The following PDE4D variants were observed in gnomAD, a reference collection of about 807,000 sequenced individuals.
PDE4D encodes 3',5'-cyclic-AMP phosphodiesterase 4D.
A neutral mutation model predicts 87.4 loss-of-function variants in PDE4D; 24 were observed. The ratio of observed to expected loss-of-function variants is 0.27; its 90% CI spans 0.20 to 0.39. PDE4D has a LOEUF of 0.39. Ranked by LOEUF, PDE4D falls within the 10% of genes least tolerant of loss-of-function variation. The pLI is 1.00. For missense variants in PDE4D, 714 were observed against 1,041.0 expected (o/e 0.69, Z 4.32); for synonymous variants, 384 against 383.2 (o/e 1.00, Z -0.02).
At chr5:59,304,150 T>C (rs933530264) in intron 1 of PDE4D, among the ~76,000 whole-genome samples, 4 of 152,064 alleles carry the variant, frequency 2.6e-5, no homozygotes, top group Non-Finnish European at 5.9e-5. Flanking sequence ...TTATTTTTTT[T>C]ACAGCTATTG....
intron 1 of PDE4D, among the ~76,000 whole-genome samples, chr5:59,616,493 A>G (rs796115101): frequency 1.3e-5 from 2 of 152,228 alleles, no homozygotes; most frequent in African/African-American, 4.8e-5. Flanking sequence ...GATAAATATA[A>G]TGTAGCAGTG....
At chr5:60,485,719 T>G (rs74743436) in intron 1 of PDE4D, among the ~76,000 whole-genome samples, 1 of 152,192 alleles carries the variant, frequency 6.6e-6, no homozygotes, top group Non-Finnish European at 1.5e-5. Context: ...AGATTTTTTT[T>G]GCTTTCCCCA....
chr5:59,207,467 C>T (rs1197629975), intron 2 of PDE4D, among the ~76,000 whole-genome samples: 1 of 151,978 alleles, frequency 6.6e-6, no homozygotes, highest in Non-Finnish European at 1.5e-5. Flanking sequence ...GAGCACTATC[C>T]AGGTTACTGG....
intron 2 of PDE4D, among the ~76,000 whole-genome samples, chr5:60,148,847 C>G (rs778928102): frequency 6.7e-6 from 1 of 150,258 alleles, no homozygotes; most frequent in Non-Finnish European, 1.5e-5. Context: ...ATTTTCTAAG[C>G]CAGACTTGCA....
intron 1 of PDE4D, among the ~76,000 whole-genome samples, chr5:59,418,199 T>A (rs1409391263): frequency 6.6e-6 from 1 of 152,168 alleles, no homozygotes; most frequent in Non-Finnish European, 1.5e-5. Flanking sequence ...CTCCCTCTCT[T>A]CAAAATCTTT....
chr5:59,469,918 GA>G (rs1802188972), intron 1 of PDE4D, among the ~76,000 whole-genome samples: 1 of 152,108 alleles, frequency 6.6e-6, no homozygotes, highest in Non-Finnish European at 1.5e-5. Context: ...TCAAAACCAA[GA>G]AGCACAAAAA....
intron 1 of PDE4D, among the ~76,000 whole-genome samples, chr5:59,689,419 T>G (rs1398832317): frequency 1.3e-5 from 2 of 152,082 alleles, no homozygotes; most frequent in Non-Finnish European, 2.9e-5. Context: ...GTTCAACATA[T>G]GCAAATCAAT....
Position 58,974,925 on chromosome 5 carries a change from T to C in PDE4D, c.2169A>G (p.Pro723=), listed in dbSNP as rs1295400835. The part of the protein sequence containing the change: ...PQSPSPAPDD[P]EEGRQGQTEK... ...CAGTTTGACCCTGCCGGCCCTCCTC[T>C]GGGTCATCAGGTGCAGGAGAGGGGC... Residue 723 remains proline, a synonymous_variant, in exon 15 of 15, where the codon CCA becomes CCG. Transcript: ENST00000340635. The C allele has an allele frequency of 2.5e-6, 4 of 1,613,306 alleles. No homozygotes were observed. Among genetic ancestry groups the C allele is most frequent in the Non-Finnish European group, 3.4e-6 (4 of 1,179,438 alleles).
At chr5:59,987,185 C>A (rs1762537667) in intron 3 of PDE4D, 2 of 152,166 alleles carry the variant, frequency 1.3e-5, no homozygotes, top group Admixed American at 6.5e-5. Flanking sequence ...CTCTTCTACA[C>A]AGAATGAACG....
chr5:60,092,050 CAAAAAAAAAAAAA>C (rs66814905), intron 2 of PDE4D, among the ~76,000 whole-genome samples: 17 of 55,996 alleles, frequency 3.0e-4, no homozygotes, highest in African/African-American at 6.3e-4. Flanking sequence ...AACTCCGTCT[CAAAAAAAAAAAAA>C]AAAAAAAAAA....
intron 1 of PDE4D, among the ~76,000 whole-genome samples, chr5:59,640,982 T>G (rs1580087363): frequency 6.6e-6 from 1 of 152,162 alleles, no homozygotes; most frequent in Admixed American, 6.5e-5. Flanking sequence ...TATAGAAAAT[T>G]TTTCCCATAT....
At chr5:59,378,943 T>G (rs1308721375) in intron 1 of PDE4D, among the ~76,000 whole-genome samples, 2 of 150,252 alleles carry the variant, frequency 1.3e-5, no homozygotes, top group East Asian at 3.9e-4. Flanking sequence ...AGAAAAAGGA[T>G]AGAGGAGCAT....
At chr5:59,912,752 T>C (rs553204442) in intron 3 of PDE4D, among the ~76,000 whole-genome samples, 13 of 152,310 alleles carry the variant, frequency 8.5e-5, no homozygotes, top group East Asian at 5.8e-4. Context: ...GTTCCACTCA[T>C]TGGGGATACT....
intron 3 of PDE4D, among the ~76,000 whole-genome samples, chr5:59,929,717 G>T (rs961209969): frequency 6.6e-6 from 1 of 152,076 alleles, no homozygotes; most frequent in Non-Finnish European, 1.5e-5. Flanking sequence ...ATTTGGAGAG[G>T]ATTTTTCTAA....
intron 2 of PDE4D, among the ~76,000 whole-genome samples, chr5:60,140,151 A>G (rs531272162): frequency 6.6e-6 from 1 of 152,110 alleles, no homozygotes; most frequent in Non-Finnish European, 1.5e-5. Context: ...TGAAGCAATT[A>G]ATTGTTGCAG....
intron 1 of PDE4D, among the ~76,000 whole-genome samples, chr5:59,811,221 A>T (rs925896316): frequency 1.3e-5 from 2 of 152,192 alleles, no homozygotes; most frequent in African/African-American, 4.8e-5. Flanking sequence ...CTATATTCAT[A>T]AAAAGAAACA....
At chr5:59,888,239 C>T (rs1172750704) in intron 1 of PDE4D, among the ~76,000 whole-genome samples, 2 of 152,228 alleles carry the variant, frequency 1.3e-5, no homozygotes, top group African/African-American at 2.4e-5. Context: ...TAGGAACATT[C>T]CCTGCTTGGG....
chr5:59,678,597 C>T (rs1002382378), intron 1 of PDE4D, among the ~76,000 whole-genome samples: 1 of 152,086 alleles, frequency 6.6e-6, no homozygotes, highest in Non-Finnish European at 1.5e-5. Context: ...GCCTGAGTAG[C>T]TGGGATTATA....
At chr5:59,308,905 G>C (rs1262511205) in intron 1 of PDE4D, among the ~76,000 whole-genome samples, 2 of 151,980 alleles carry the variant, frequency 1.3e-5, no homozygotes, top group Non-Finnish European at 2.9e-5. Flanking sequence ...GACTCTCCTT[G>C]GGTGAGTCTT....
Sources: gnomAD v4.1 joint callset for allele counts (sites outside exome capture counted in the v4.1 genomes callset) on GRCh38, gnomAD v4.1.1 for gene constraint, MANE v1.5 for transcripts, NCBI Gene and HGNC (gene_info 2026-07-23, HGNC 2026-07-21) for gene names.